Variants in FTCDNL1 observed in about 807,000 individuals in gnomAD.
FTCDNL1 encodes the protein formiminotransferase cyclodeaminase N-terminal like.
In FTCDNL1, 11 loss-of-function variants were observed where a neutral mutation model predicts 5.9. The observed-to-expected ratio is 1.87, with a 90% CI of 1.18 to 3.10. The LOEUF (loss-of-function observed/expected upper bound fraction) is 3.10, where lower values mean the gene tolerates loss of function less well. Among genes scored for constraint, FTCDNL1 ranks in the 30% most tolerant of loss-of-function variants. The probability of loss-of-function intolerance (pLI) is 0.00; values close to 1 mark genes in which losing one functional copy is unlikely to be tolerated. For missense variants in FTCDNL1, 115 were observed against 65.5 expected (o/e 1.76, Z -2.61); for synonymous variants, 58 against 24.8 (o/e 2.34, Z -3.99).
At chr2:199,837,077 C>T (rs1702799245) in intron 3 of FTCDNL1, among the ~76,000 whole-genome samples, 1 of 152,106 alleles carries the variant, frequency 6.6e-6, no homozygotes. Context: ...TTTGTTTATC[C>T]CAGTTCTCCC....
chr2:199,713,846 A>G, the FTCDNL1 span, among the ~76,000 whole-genome samples: 13 of 152,196 alleles, frequency 8.5e-5, no homozygotes, highest in Non-Finnish European at 1.8e-4. Flanking sequence ...AAACTTATTC[A>G]AGAACATAAT....
At chr2:199,838,924 C>A (rs1702943170) in intron 3 of FTCDNL1, among the ~76,000 whole-genome samples, 1 of 152,114 alleles carries the variant, frequency 6.6e-6, no homozygotes, top group African/African-American at 2.4e-5. Flanking sequence ...AAAACACTGG[C>A]AGTGGTGTCT....
chr2:199,746,633 CGAT>C, the FTCDNL1 span, among the ~76,000 whole-genome samples: 1 of 151,658 alleles, frequency 6.6e-6, no homozygotes, highest in East Asian at 1.9e-4. Context: ...TTTTGAAAAT[CGAT>C]GATAATCTTT....
the FTCDNL1 span, among the ~76,000 whole-genome samples, chr2:199,665,192 G>A: frequency 6.6e-6 from 1 of 152,134 alleles, no homozygotes; most frequent in East Asian, 1.9e-4. Context: ...AGTCTGGAGG[G>A]GCTCAGTAGT....
the FTCDNL1 span, among the ~76,000 whole-genome samples, chr2:199,703,463 G>A: frequency 2.0e-4 from 31 of 152,210 alleles, no homozygotes; most frequent in South Asian, 2.1e-4. Context: ...CATTGAAATC[G>A]CATTTTAGAT....
intron 3 of FTCDNL1, among the ~76,000 whole-genome samples, chr2:199,798,408 C>A (rs977105449): frequency 1.3e-5 from 2 of 152,120 alleles, no homozygotes; most frequent in Admixed American, 1.3e-4. Flanking sequence ...GTTAAATACC[C>A]CAGCCAAAGT....
At chr2:199,673,327 C>CAAAA in the FTCDNL1 span, among the ~76,000 whole-genome samples, 62 of 69,738 alleles carry the variant, frequency 8.9e-4, 1 homozygote, top group African/African-American at 3.0e-3. Flanking sequence ...GACTCTGTCT[C>CAAAA]AAAAAAAAAA....
chr2:199,795,260 CTTG>C (rs1700116866), intron 3 of FTCDNL1, among the ~76,000 whole-genome samples: 2 of 152,150 alleles, frequency 1.3e-5, no homozygotes, highest in East Asian at 3.8e-4. Flanking sequence ...CTTTTACCCA[CTTG>C]TTAGGCTAGA....
chr2:199,689,092 A>G, the FTCDNL1 span, among the ~76,000 whole-genome samples: 12 of 152,362 alleles, frequency 7.9e-5, no homozygotes, highest in African/African-American at 2.6e-4. Flanking sequence ...TTGTTTCTCA[A>G]TTGGTATATT....
chr2:199,758,494 C>G (rs1383575940), downstream of FTCDNL1, among the ~76,000 whole-genome samples: 3 of 151,088 alleles, frequency 2.0e-5, no homozygotes, highest in East Asian at 3.9e-4. Flanking sequence ...GACCCTCATA[C>G]TTCATACACT....
chr2:199,773,002 G>T (rs1698888036), intron 3 of FTCDNL1, among the ~76,000 whole-genome samples: 1 of 152,138 alleles, frequency 6.6e-6, no homozygotes, highest in Non-Finnish European at 1.5e-5. Context: ...TGTTTTGTTT[G>T]TTTGTGGTTT....
chr2:199,717,509 ATTTTTTTTTTTTTT>A, the FTCDNL1 span, among the ~76,000 whole-genome samples: 1 of 57,660 alleles, frequency 1.7e-5, no homozygotes, highest in Non-Finnish European at 2.9e-5. Flanking sequence ...CAAGGCAGAG[ATTTTTTTTTTTTTT>A]TTTTTTTTTT....
chr2:199,763,128 G>A (rs1559167147), intron 3 of FTCDNL1, among the ~76,000 whole-genome samples: 1 of 152,150 alleles, frequency 6.6e-6, no homozygotes, highest in Non-Finnish European at 1.5e-5. Flanking sequence ...ACTGCTCAGG[G>A]CCCATCCGGT....
At chr2:199,772,151 G>A (rs1224919275) in intron 3 of FTCDNL1, among the ~76,000 whole-genome samples, 1 of 152,170 alleles carries the variant, frequency 6.6e-6, no homozygotes, top group African/African-American at 2.4e-5. Flanking sequence ...ATGAGCATGT[G>A]GCATAGACAG....
At chr2:199,766,919 G>C (rs753909790) in intron 3 of FTCDNL1, among the ~76,000 whole-genome samples, 1 of 151,976 alleles carries the variant, frequency 6.6e-6, no homozygotes, top group Non-Finnish European at 1.5e-5. Flanking sequence ...ATACAAAAAG[G>C]CCTTAAAAAT....
chr2:199,770,315 G>A (rs1559172592), intron 3 of FTCDNL1, among the ~76,000 whole-genome samples: 1 of 152,156 alleles, frequency 6.6e-6, no homozygotes, highest in Non-Finnish European at 1.5e-5. Context: ...AGAAACTAGG[G>A]AGATAATCTG....
the FTCDNL1 span, among the ~76,000 whole-genome samples, chr2:199,736,577 T>C: frequency 6.6e-6 from 1 of 152,372 alleles, no homozygotes; most frequent in Non-Finnish European, 1.5e-5. Flanking sequence ...GTATTGCTAA[T>C]TCAATCCATT....
chr2:199,791,323 G>A (rs1219463842), intron 3 of FTCDNL1, among the ~76,000 whole-genome samples: 1 of 151,914 alleles, frequency 6.6e-6, no homozygotes, highest in African/African-American at 2.4e-5. Flanking sequence ...AAAGAGAAAG[G>A]AAAAAGTAAC....
Position 199,809,935 on chromosome 2 carries a change from T to C in FTCDNL1, c.*2770A>G, listed in dbSNP as rs1700941303. 6.6e-6 allele frequency among the ~76,000 whole-genome samples: 1 copy of C among 151,896 alleles called. No individual in the cohort carries two copies. The highest frequency in any genetic ancestry group is 2.4e-5 in the African/African-American group (1 of 41,352). ...TTTTGGTAACCCTCCCATTTTTTAGTCACTTAGTATCTGATTTTATTTTGC... is the reference window on the plus strand; with the variant it reads ...TTTTGGTAACCCTCCCATTTTTTAGCCACTTAGTATCTGATTTTATTTTGC... On this transcript the variant is annotated 3_prime_UTR_variant, in exon 5 of 5. Coordinates refer to ENST00000420128, the MANE Select transcript of FTCDNL1 (RefSeq NM_001363886.2).
Sources: gnomAD v4.1 joint callset for allele counts (sites outside exome capture counted in the v4.1 genomes callset) on GRCh38, gnomAD v4.1.1 for gene constraint, MANE v1.5 for transcripts, NCBI Gene and HGNC (gene_info 2026-07-23, HGNC 2026-07-21) for gene names.